Variants in RALGAPB observed in about 807,000 individuals in gnomAD.
RALGAPB encodes the protein Ral GTPase activating protein non-catalytic subunit beta.
Under a neutral mutation model 161.1 loss-of-function variants are expected in RALGAPB, and 25 were observed. The observed-to-expected ratio is 0.16, with a 90% CI of 0.11 to 0.22. The LOEUF is 0.22. RALGAPB is among the 10% of genes least tolerant of loss of function. RALGAPB has a pLI of 1.00. For missense variants in RALGAPB, 1,391 were observed against 1,815.2 expected (o/e 0.77, Z 4.25); for synonymous variants, 629 against 626.1 (o/e 1.00, Z -0.07).
intron 29 of RALGAPB, 46 bp from the exon 30 acceptor site, chr20:38,574,728 A>G (rs1176840506): frequency 2.0e-6 from 3 of 1,536,958 alleles, no homozygotes; most frequent in Non-Finnish European, 2.7e-6. Context: ...TCACCTACGT[A>G]AGTGACTAGT....
chr20:38,480,636 C>T (rs113198020), intron 1 of RALGAPB, among the ~76,000 whole-genome samples: 4,999 of 151,764 alleles, frequency 0.033, 130 homozygotes, highest in African/African-American at 0.07. Context: ...ATTTCACCTG[C>T]GTCGGCCTCC....
chr20:38,569,277 G>C (rs962834616), intron 26 of RALGAPB: 1 of 152,708 alleles, frequency 6.5e-6, no homozygotes, highest in African/African-American at 2.4e-5. Flanking sequence ...GTGCAGCTCA[G>C]GGTACCAGTT....
chr20:38,560,785 C>CT (rs1434662708), intron 23 of RALGAPB, among the ~76,000 whole-genome samples: 4 of 152,174 alleles, frequency 2.6e-5, no homozygotes, highest in African/African-American at 9.7e-5. Flanking sequence ...TTTGGAATGT[C>CT]TAAGACCTGC....
At chr20:38,513,654 A>C (rs1192401648) in intron 6 of RALGAPB, among the ~76,000 whole-genome samples, 1 of 151,980 alleles carries the variant, frequency 6.6e-6, no homozygotes, top group Non-Finnish European at 1.5e-5. Flanking sequence ...CTCAAAAAAA[A>C]AAAAAAAATT....
At chr20:38,513,197 G>C (rs544320929) in intron 6 of RALGAPB, among the ~76,000 whole-genome samples, 1 of 151,376 alleles carries the variant, frequency 6.6e-6, no homozygotes, top group African/African-American at 2.4e-5. Flanking sequence ...GTGAAACCCT[G>C]TCTCTACTAA....
At chr20:38,536,261 A>G (rs1186172317) in intron 16 of RALGAPB, among the ~76,000 whole-genome samples, 1 of 152,124 alleles carries the variant, frequency 6.6e-6, no homozygotes, top group Non-Finnish European at 1.5e-5. Flanking sequence ...CTTTCACTAA[A>G]TGTAATGTTT....
At chr20:38,569,692 C>G in intron 26 of RALGAPB, 196 bp from the exon 27 acceptor site, 1 of 499,738 alleles carries the variant, frequency 2.0e-6, no homozygotes, top group Middle Eastern at 4.7e-4. Flanking sequence ...TAAGCCTTGT[C>G]CTAGGTTAAG....
intron 18 of RALGAPB, among the ~76,000 whole-genome samples, chr20:38,545,066 C>T (rs533842885): frequency 1.9e-4 from 29 of 152,208 alleles, no homozygotes; most frequent in African/African-American, 6.7e-4. Flanking sequence ...TCAACTCTTT[C>T]TATGGTATAT....
At chr20:38,528,516 G>T (rs150949351) in intron 13 of RALGAPB, among the ~76,000 whole-genome samples, 3 of 151,706 alleles carry the variant, frequency 2.0e-5, no homozygotes, top group Non-Finnish European at 4.4e-5. Flanking sequence ...GACCACAGGC[G>T]TGTGCCACCA....
intron 13 of RALGAPB, among the ~76,000 whole-genome samples, chr20:38,527,447 G>A (rs767104476): frequency 7.9e-5 from 12 of 152,144 alleles, no homozygotes; most frequent in African/African-American, 9.7e-5. Context: ...TTAGGGTTTC[G>A]TAAGTCTCAA....
rs1379560609 is a variant in RALGAPB at position 38,575,802 on chromosome 20, T to C, written c.*835T>C. ...TATTTGTGATTCATTGATTAAATAT[T>C]ATTTAAAGAAATGTAAATTCACAAT... On this transcript the variant is annotated 3_prime_UTR_variant, in exon 30 of 30. Coordinates refer to ENST00000262879, the MANE Select transcript of RALGAPB (RefSeq NM_020336.4). 1.3e-5 allele frequency: 2 copies of C among 152,522 alleles called. No individual in the cohort carries two copies. The highest frequency in any genetic ancestry group is 2.9e-5 in the Non-Finnish European group (2 of 68,050). The allele number at this position is 152,522 out of a possible 1,614,324, so 9.4% of individuals were successfully genotyped here.
chr20:38,488,739 A>G (rs944960432), intron 2 of RALGAPB, 121 bp downstream of exon 2: 18 of 933,026 alleles, frequency 1.9e-5, no homozygotes, highest in African/African-American at 3.3e-5. Flanking sequence ...AATAACGTCA[A>G]CTTTTTAATG....
intron 25 of RALGAPB, 95 bp downstream of exon 25, chr20:38,565,573 T>TG: frequency 7.2e-7 from 1 of 1,398,472 alleles, no homozygotes; most frequent in South Asian, 1.5e-5. Flanking sequence ...TGAAGTGATC[T>TG]AAGGCATTCT....
At chr20:38,497,662 CT>C in intron 4 of RALGAPB, 146 bp downstream of exon 4, 1 of 891,898 alleles carries the variant, frequency 1.1e-6, no homozygotes, top group South Asian at 1.8e-5. Context: ...AATGGAAACT[CT>C]CAGGCACAAT....
chr20:38,494,353 G>A (rs1343083319), intron 3 of RALGAPB, among the ~76,000 whole-genome samples: 5 of 152,184 alleles, frequency 3.3e-5, no homozygotes, highest in Non-Finnish European at 7.3e-5. Flanking sequence ...GAAATGGGCC[G>A]GGTGCAGTGG....
intron 7 of RALGAPB, 152 bp from the exon 8 acceptor site, chr20:38,517,354 G>A (rs2086157464): frequency 1.6e-6 from 1 of 641,900 alleles, no homozygotes; most frequent in African/African-American, 1.9e-5. Context: ...TGTTACTCAG[G>A]AAGAAATAGT....
In RALGAPB at chr20:38,532,839, A is replaced by G; in HGVS notation, c.2225A>G (p.Gln742Arg). Residue 742 changes from glutamine (Q) to arginine (R), a missense_variant, in exon 15 of 30, where the codon CAA (glutamine) becomes CGA (arginine). Transcript: ENST00000262879. Reference protein sequence around the residue: ...PTTPDSERPAQALLRDYALNT... With the variant: ...PTTPDSERPARALLRDYALNT... Reference sequence around the variant, plus strand: ...ACTCCCGATAGTGAGAGACCTGCTCAAGCTCTCTTAAGAGATTATGGTTAG... The same window carrying G: ...ACTCCCGATAGTGAGAGACCTGCTCGAGCTCTCTTAAGAGATTATGGTTAG... The G allele has an allele frequency of 6.2e-7, 1 of 1,614,192 alleles. No individual in the cohort carries two copies. The highest frequency in any genetic ancestry group is 1.1e-5 in the South Asian group (1 of 91,084).
At chr20:38,503,848 A>G (rs746176255) in intron 5 of RALGAPB, among the ~76,000 whole-genome samples, 3 of 152,094 alleles carry the variant, frequency 2.0e-5, no homozygotes, top group South Asian at 2.1e-4. Context: ...AGCCACCCCA[A>G]CCTTCAGCAG....
chr20:38,569,639 A>G (rs1442518079), intron 26 of RALGAPB: 3 of 416,582 alleles, frequency 7.2e-6, no homozygotes, highest in African/African-American at 2.0e-5. Context: ...AATGCAAATT[A>G]TAATTATTCA....
Sources: allele counts gnomAD v4.1 joint callset (sites outside exome capture counted in the v4.1 genomes callset), GRCh38; gene constraint gnomAD v4.1.1; transcripts MANE v1.5; gene names NCBI Gene and HGNC (gene_info 2026-07-23, HGNC 2026-07-21).